Variants in SPAG16 observed in about 807,000 individuals in gnomAD.
The protein encoded by SPAG16 is sperm-associated antigen 16 protein.
In SPAG16, 86 loss-of-function variants were observed where a neutral mutation model predicts 80.4. The observed-to-expected ratio is 1.07, with a 90% confidence interval of 0.90 to 1.28. The LOEUF (loss-of-function observed/expected upper bound fraction) is 1.28, where lower values mean the gene tolerates loss of function less well. SPAG16 is among the 50% of genes most tolerant of loss of function. The pLI, the probability that SPAG16 is intolerant of heterozygous loss-of-function variation, is 0.00. For synonymous variants in SPAG16, 294 were observed against 265.9 expected, an observed-to-expected ratio of 1.11 and a Z score of -1.03; for missense variants, 870 against 765.3, an observed-to-expected ratio of 1.14 and a Z score of -1.61.
chr2:214,030,963 C>A (rs1680840526), intron 13 of SPAG16, among the ~76,000 whole-genome samples: 1 of 152,208 alleles, frequency 6.6e-6, no homozygotes, highest in Non-Finnish European at 1.5e-5. Flanking sequence ...AGTTGTGAAG[C>A]ATGTTTTATA....
chr2:213,694,669 C>T (rs1233591681), intron 10 of SPAG16, among the ~76,000 whole-genome samples: 1 of 152,058 alleles, frequency 6.6e-6, no homozygotes, highest in Non-Finnish European at 1.5e-5. Flanking sequence ...TGTCTAAATT[C>T]ATGAATTCAG....
chr2:214,082,866 G>T (rs1003462903), intron 13 of SPAG16, among the ~76,000 whole-genome samples: 3 of 152,030 alleles, frequency 2.0e-5, no homozygotes, highest in African/African-American at 7.2e-5. Context: ...TTGCCACTTT[G>T]TTTCTCCCAC....
At chr2:213,389,132 A>G in intron 9 of SPAG16, among the ~76,000 whole-genome samples, 1 of 152,194 alleles carries the variant, frequency 6.6e-6, no homozygotes, top group East Asian at 1.9e-4. Flanking sequence ...TGATCAAATG[A>G]TTTTGACAAT....
intron 9 of SPAG16, among the ~76,000 whole-genome samples, chr2:213,479,416 T>C (rs574158132): frequency 2.0e-5 from 3 of 152,244 alleles, no homozygotes; most frequent in South Asian, 2.1e-4. Context: ...TTATTTTCTG[T>C]CTCCTCAATA....
At chr2:213,642,409 G>A (rs1037713643) in intron 10 of SPAG16, among the ~76,000 whole-genome samples, 14 of 152,102 alleles carry the variant, frequency 9.2e-5, no homozygotes, top group African/African-American at 1.4e-4. Flanking sequence ...GGACAGGTGT[G>A]ATGGTTAATA....
At chr2:213,434,770 T>A (rs2070526055) in intron 9 of SPAG16, among the ~76,000 whole-genome samples, 1 of 152,204 alleles carries the variant, frequency 6.6e-6, no homozygotes, top group South Asian at 2.1e-4. Flanking sequence ...CTGACGTAAG[T>A]CAGAATATGG....
chr2:214,176,533 A>G (rs1369732170), intron 15 of SPAG16, among the ~76,000 whole-genome samples: 1 of 151,326 alleles, frequency 6.6e-6, no homozygotes, highest in Non-Finnish European at 1.5e-5. Flanking sequence ...GTCTATGCAC[A>G]AAGAAAATGA....
chr2:213,303,564 A>G (rs2062828267), intron 3 of SPAG16, among the ~76,000 whole-genome samples: 1 of 151,870 alleles, frequency 6.6e-6, no homozygotes, highest in Non-Finnish European at 1.5e-5. Flanking sequence ...TTATTGCTCT[A>G]GACTCTGCCT....
intron 10 of SPAG16, among the ~76,000 whole-genome samples, chr2:213,718,952 T>C (rs2066384691): frequency 6.6e-6 from 1 of 152,202 alleles, no homozygotes; most frequent in Admixed American, 6.5e-5. Context: ...CCAGCTGGGC[T>C]CCTGAGTCTG....
chr2:213,653,578 G>C (rs1456684122), intron 10 of SPAG16, among the ~76,000 whole-genome samples: 6 of 152,092 alleles, frequency 3.9e-5, no homozygotes, highest in Admixed American at 2.0e-4. Context: ...GCAAAACCTT[G>C]GTGTTTTATG....
chr2:213,786,305 G>C (rs919830657), intron 10 of SPAG16, among the ~76,000 whole-genome samples: 13 of 152,290 alleles, frequency 8.5e-5, no homozygotes, highest in African/African-American at 2.4e-4. Flanking sequence ...TGCTCTCAGA[G>C]AGCTTGTTAG....
intron 10 of SPAG16, among the ~76,000 whole-genome samples, chr2:213,801,374 T>C (rs771230371): frequency 7.2e-5 from 11 of 152,252 alleles, no homozygotes; most frequent in Non-Finnish European, 1.3e-4. Context: ...ATTCTGTCAT[T>C]TATTTCCATT....
intron 10 of SPAG16, among the ~76,000 whole-genome samples, chr2:213,567,225 G>T (rs1374169721): frequency 9.1e-6 from 1 of 109,760 alleles, no homozygotes; most frequent in Non-Finnish European, 1.9e-5. Flanking sequence ...TTACTTGTTT[G>T]ACATTGTTTT....
chr2:214,027,557 A>G (rs1335551414), intron 13 of SPAG16, among the ~76,000 whole-genome samples: 1 of 151,792 alleles, frequency 6.6e-6, no homozygotes, highest in Non-Finnish European at 1.5e-5. Context: ...AATCATATTG[A>G]TAAAGGATCT....
chr2:214,321,258 A>C (rs1696075325), intron 15 of SPAG16, among the ~76,000 whole-genome samples: 1 of 152,238 alleles, frequency 6.6e-6, no homozygotes, highest in African/African-American at 2.4e-5. Flanking sequence ...AAAAGAAGGA[A>C]AAATATCTTC....
At chr2:213,521,492 T>C (rs139163758) in intron 10 of SPAG16, among the ~76,000 whole-genome samples, 45 of 152,332 alleles carry the variant, frequency 3.0e-4, no homozygotes, top group African/African-American at 1.1e-3. Flanking sequence ...TTTTGCTTTT[T>C]ATTCTCTTGC....
chr2:213,479,093 CCTTTTTTTTTT>C (rs1478657530), intron 9 of SPAG16, among the ~76,000 whole-genome samples: 15 of 115,646 alleles, frequency 1.3e-4, no homozygotes, highest in African/African-American at 5.7e-4. Flanking sequence ...ACACTGGCTT[CCTTTTTTTTTT>C]TTTTTTTTTT....
chr2:214,025,043 T>C (rs2125022777), intron 13 of SPAG16, among the ~76,000 whole-genome samples: 1 of 151,720 alleles, frequency 6.6e-6, no homozygotes, highest in South Asian at 2.1e-4. Flanking sequence ...TTAATACCTG[T>C]AAAATTCAGC....
chr2:213,299,171 A>G (rs2062622491), intron 3 of SPAG16, among the ~76,000 whole-genome samples: 1 of 152,192 alleles, frequency 6.6e-6, no homozygotes, highest in African/African-American at 2.4e-5. Flanking sequence ...TTGCAAGTAA[A>G]TGGTTATGAT....
Sources: gnomAD v4.1 joint callset for allele counts (sites outside exome capture counted in the v4.1 genomes callset) on GRCh38, gnomAD v4.1.1 for gene constraint, MANE v1.5 for transcripts, NCBI Gene and HGNC (gene_info 2026-07-23, HGNC 2026-07-21) for gene names.